TAOK3: variants seen among roughly 807,000 people sequenced by gnomAD.
The protein encoded by TAOK3 is TAO kinase 3, also known as serine/threonine-protein kinase TAO3.
A neutral mutation model predicts 120.4 loss-of-function variants in TAOK3; 40 were observed. That is an observed-to-expected ratio of 0.33 (90% CI 0.26 to 0.43). The LOEUF (loss-of-function observed/expected upper bound fraction) is 0.43, where lower values mean the gene tolerates loss of function less well. TAOK3 is among the 20% of genes least tolerant of loss of function. The probability of loss-of-function intolerance (pLI) is 1.00; values close to 1 mark genes in which losing one functional copy is unlikely to be tolerated. For missense variants in TAOK3, 821 were observed against 1,112.1 expected (o/e 0.74, Z 3.72); for synonymous variants, 355 against 387.5 (o/e 0.92, Z 0.99).
At chr12:118,232,331 A>C (rs1189499714) in intron 9 of TAOK3, among the ~76,000 whole-genome samples, 1 of 152,212 alleles carries the variant, frequency 6.6e-6, no homozygotes, top group African/African-American at 2.4e-5. Flanking sequence ...GGAATAACTT[A>C]ATGGCTGAAG....
intron 9 of TAOK3, among the ~76,000 whole-genome samples, chr12:118,223,642 G>A (rs372114364): frequency 4.6e-4 from 60 of 129,372 alleles, no homozygotes; most frequent in African/African-American, 1.7e-3. Context: ...CACCGCACCC[G>A]GCATTTTTTT....
intron 16 of TAOK3, among the ~76,000 whole-genome samples, chr12:118,174,487 G>A (rs953617479): frequency 4.6e-5 from 7 of 151,814 alleles, no homozygotes; most frequent in Admixed American, 6.6e-5. Flanking sequence ...TGAGGACTGA[G>A]TGGGGACTCT....
At chr12:118,338,145 A>G (rs962939665) in intron 1 of TAOK3, among the ~76,000 whole-genome samples, 9 of 152,162 alleles carry the variant, frequency 5.9e-5, no homozygotes, top group Admixed American at 4.6e-4. Context: ...GCATTTATTG[A>G]GTTGCTCTTT....
intron 1 of TAOK3, among the ~76,000 whole-genome samples, chr12:118,306,220 G>A (rs530844804): frequency 3.3e-4 from 50 of 152,238 alleles, no homozygotes; most frequent in African/African-American, 1.2e-3. Context: ...TTGGTGTATA[G>A]ATTATTTTGT....
Position 118,255,049 on chromosome 12 carries a change from A to C in TAOK3, c.120+399T>G, listed in dbSNP as rs188600807. ...AGTGCTGGGATTACAGGCGTGAGCC[A>C]CTGTGCCCGGCTGAAGCTCTTAACT... On this transcript the variant is annotated intron_variant, in intron 3 of 20. Coordinates refer to ENST00000392533, the MANE Select transcript of TAOK3 (RefSeq NM_016281.4). Among the ~76,000 whole-genome samples, 138 of 152,308 alleles carry C rather than the reference A, an allele frequency of 9.1e-4. 1 individual carries two copies. In the East Asian group the frequency reaches 0.016, roughly 18 times the overall value.
At chr12:118,241,227 A>G (rs953025586) in intron 5 of TAOK3, among the ~76,000 whole-genome samples, 1 of 150,356 alleles carries the variant, frequency 6.7e-6, no homozygotes, top group Admixed American at 6.6e-5. Context: ...TTTCTGCTTG[A>G]CATTAAAAAC....
In TAOK3 at chr12:118,279,771, T is replaced by G. The variant is rs187009016; in HGVS notation, c.-193-13012A>C. On this transcript the variant is annotated intron_variant, in intron 1 of 20. Coordinates refer to ENST00000392533, the MANE Select transcript of TAOK3 (RefSeq NM_016281.4). Reference sequence around the variant, plus strand: ...GCTAATTTTTGTTTTTATTGTTGTTTTTTTTTTTTTTGAGACAGAGTCTTG... The same window carrying G: ...GCTAATTTTTGTTTTTATTGTTGTTGTTTTTTTTTTTGAGACAGAGTCTTG... 2.7e-4 allele frequency among the ~76,000 whole-genome samples: 41 copies of G among 149,830 alleles called. 1 individual carries two copies. Among genetic ancestry groups the G allele is most frequent in the Admixed American group, 1.9e-3 (29 of 15,068 alleles).
At chr12:118,268,867 G>A (rs1035984342) in intron 1 of TAOK3, among the ~76,000 whole-genome samples, 3 of 152,036 alleles carry the variant, frequency 2.0e-5, no homozygotes, top group East Asian at 1.9e-4. Flanking sequence ...AATTAGCCGG[G>A]TGTGGTGGCG....
At chr12:118,361,254 CAG>C (rs1367469476) in intron 1 of TAOK3, among the ~76,000 whole-genome samples, 4 of 152,064 alleles carry the variant, frequency 2.6e-5, no homozygotes, top group Non-Finnish European at 4.4e-5. Flanking sequence ...TTACAGTGAA[CAG>C]AGTTTTCTTA....
intron 9 of TAOK3, among the ~76,000 whole-genome samples, chr12:118,218,327 G>A (rs2039042882): frequency 6.6e-6 from 1 of 152,114 alleles, no homozygotes; most frequent in African/African-American, 2.4e-5. Flanking sequence ...TGCAGAGCTT[G>A]CTTTCTGGCA....
At chr12:118,243,719 C>G (rs1295895258) in intron 4 of TAOK3, among the ~76,000 whole-genome samples, 2 of 152,172 alleles carry the variant, frequency 1.3e-5, no homozygotes, top group Non-Finnish European at 2.9e-5. Context: ...CTCTATCGCC[C>G]AGGCTGGACT....
At chr12:118,235,505 G>T in intron 8 of TAOK3, 53 bp downstream of exon 8, 1 of 1,391,216 alleles carries the variant, frequency 7.2e-7, no homozygotes, top group East Asian at 2.3e-5. Context: ...CACCATAGTT[G>T]AGTTCATGTA....
intron 15 of TAOK3, among the ~76,000 whole-genome samples, chr12:118,179,285 A>C (rs2138828459): frequency 6.6e-6 from 1 of 152,314 alleles, no homozygotes; most frequent in East Asian, 1.9e-4. Context: ...CTGCATGCCC[A>C]GGGAGCACAT....
chr12:118,213,967 A>G, intron 10 of TAOK3, 50 bp downstream of exon 10: 2 of 1,469,634 alleles, frequency 1.4e-6, no homozygotes, highest in South Asian at 2.3e-5. Context: ...AAAAATGTCA[A>G]ATACATACGG....
chr12:118,172,378 C>T (rs1044743647), intron 17 of TAOK3, 79 bp downstream of exon 17: 2 of 1,464,604 alleles, frequency 1.4e-6, no homozygotes, highest in Admixed American at 1.7e-5. Flanking sequence ...TAGGAATGGA[C>T]CAGGCAGACA....
intron 9 of TAOK3, among the ~76,000 whole-genome samples, chr12:118,214,329 C>T (rs2038775391): frequency 6.6e-6 from 1 of 152,180 alleles, no homozygotes; most frequent in Non-Finnish European, 1.5e-5. Flanking sequence ...CCTAACAGAA[C>T]TCATTTCAAA....
chr12:118,309,141 C>T (rs1303477499), intron 1 of TAOK3, among the ~76,000 whole-genome samples: 1 of 151,388 alleles, frequency 6.6e-6, no homozygotes. Context: ...CCAGCCTGGC[C>T]AACGTGGCGA....
intron 16 of TAOK3, 124 bp downstream of exon 16, chr12:118,177,077 G>C: frequency 9.4e-7 from 1 of 1,062,324 alleles, no homozygotes; most frequent in South Asian, 1.6e-5. Context: ...AGCATTTTAG[G>C]GTATTCTAAT....
At chr12:118,260,632 G>A (rs533307372) in intron 2 of TAOK3, among the ~76,000 whole-genome samples, 1 of 152,222 alleles carries the variant, frequency 6.6e-6, no homozygotes, top group East Asian at 1.9e-4. Flanking sequence ...GTAAAGCAGA[G>A]ACAGACAAAA....
Sources: gnomAD v4.1 joint callset for allele counts (sites outside exome capture counted in the v4.1 genomes callset) on GRCh38, gnomAD v4.1.1 for gene constraint, MANE v1.5 for transcripts, NCBI Gene and HGNC (gene_info 2026-07-23, HGNC 2026-07-21) for gene names.